ARID1B: variants seen among roughly 807,000 people sequenced by gnomAD.
ARID1B encodes AT-rich interaction domain 1B.
ARID1B carries 30 observed loss-of-function variants against 212.3 expected under a neutral mutation model. That is an observed-to-expected ratio of 0.14 (90% CI 0.11 to 0.19). The LOEUF (loss-of-function observed/expected upper bound fraction) is 0.19, where lower values mean the gene tolerates loss of function less well. Ranked by LOEUF, ARID1B falls within the 10% of genes least tolerant of loss-of-function variation. ARID1B has a pLI of 1.00. For missense variants in ARID1B, 2,891 were observed against 3,204.0 expected (o/e 0.90, Z 2.36); for synonymous variants, 1,402 against 1,301.7 (o/e 1.08, Z -1.66).
intron 2 of ARID1B, among the ~76,000 whole-genome samples, chr6:156,843,737 T>C (rs1784051849): frequency 6.6e-6 from 1 of 152,244 alleles, no homozygotes; most frequent in Admixed American, 6.5e-5. Context: ...GCTATTGTTT[T>C]GGTCGAATAA....
chr6:157,045,830 T>G (rs1782200260), intron 4 of ARID1B, among the ~76,000 whole-genome samples: 1 of 152,174 alleles, frequency 6.6e-6, no homozygotes. Context: ...CAATATTGAC[T>G]CAAACTTAAA....
intron 8 of ARID1B, among the ~76,000 whole-genome samples, chr6:157,158,631 A>T (rs1337110404): frequency 6.6e-6 from 1 of 152,176 alleles, no homozygotes; most frequent in Non-Finnish European, 1.5e-5. Context: ...GTGTGGCTCC[A>T]GACCTCTAAG....
chr6:157,133,193 A>G lies in ARID1B; in HGVS notation c.2747A>G (p.Gln916Arg), dbSNP rs766942261. The G allele has an allele frequency of 6.3e-7, 1 of 1,598,988 alleles. No individual in the cohort carries two copies. Among genetic ancestry groups the G allele is most frequent in the Non-Finnish European group, 8.5e-7 (1 of 1,175,502 alleles). ...GGGACTTACGGTCCACAGATGAGCC[A>G]GTATGGACCACAAGGTAAAACCAAA... ...SSGTYGPQMSQYGPQGNYSRP... is the reference protein window; with the variant it reads ...SSGTYGPQMSRYGPQGNYSRP... The change falls in exon 7 of 20, where the codon CAG becomes CGG. Residue 916 changes from glutamine (Q) to arginine (R), a missense_variant. By Grantham distance (43) the Gln-to-Arg change is conservative. Transcript: ENST00000636930.
intron 2 of ARID1B, among the ~76,000 whole-genome samples, chr6:156,899,975 T>TTCAACGGAAGG (rs1788788155): frequency 6.6e-6 from 1 of 152,258 alleles, no homozygotes; most frequent in African/African-American, 2.4e-5. Flanking sequence ...CGGAAGGATG[T>TTCAACGGAAGG]GTGTTGTAGT....
At chr6:156,972,059 G>A (rs1457972046) in intron 4 of ARID1B, among the ~76,000 whole-genome samples, 1 of 152,004 alleles carries the variant, frequency 6.6e-6, no homozygotes, top group Non-Finnish European at 1.5e-5. Flanking sequence ...GAAGGACATA[G>A]GTTTCTTAGT....
intron 1 of ARID1B, among the ~76,000 whole-genome samples, chr6:156,814,228 C>T (rs1413217597): frequency 6.6e-6 from 1 of 151,892 alleles, no homozygotes; most frequent in Non-Finnish European, 1.5e-5. Context: ...CCAACCTGGG[C>T]AACATGGCAA....
chr6:156,898,797 C>G (rs1346726374), intron 2 of ARID1B, among the ~76,000 whole-genome samples: 1 of 152,094 alleles, frequency 6.6e-6, no homozygotes, highest in Admixed American at 6.5e-5. Context: ...CATGGAGAAA[C>G]CCTGTCTCTA....
At chr6:157,153,081 ATAG>A (rs1332497709) in intron 8 of ARID1B, among the ~76,000 whole-genome samples, 23 of 152,250 alleles carry the variant, frequency 1.5e-4, no homozygotes, top group African/African-American at 4.8e-4. Context: ...CAAGTATAAG[ATAG>A]TAGAGAGAAA....
chr6:156,776,991 C>T (rs146893287), upstream of ARID1B: 1 of 152,410 alleles, frequency 6.6e-6, no homozygotes, highest in Non-Finnish European at 1.5e-5. Context: ...TCTCCGTCGG[C>T]TCCTTGTAAC....
At chr6:157,122,154 G>A (rs936518223) in intron 6 of ARID1B, among the ~76,000 whole-genome samples, 5 of 152,140 alleles carry the variant, frequency 3.3e-5, no homozygotes, top group African/African-American at 1.2e-4. Context: ...GGCAGTGAAG[G>A]GATTTCTTGT....
chr6:157,140,640 C>T (rs978747139), intron 7 of ARID1B: 10 of 398,464 alleles, frequency 2.5e-5, no homozygotes, highest in South Asian at 1.3e-4. Flanking sequence ...TGGAGTAACA[C>T]GTAGCTTTCC....
intron 5 of ARID1B, among the ~76,000 whole-genome samples, chr6:157,098,957 C>A (rs141958927): frequency 1.9e-4 from 29 of 152,222 alleles, no homozygotes; most frequent in African/African-American, 7.0e-4. Flanking sequence ...TTTTATGACT[C>A]CAGTTTATTT....
chr6:156,897,427 C>A (rs972633028), intron 2 of ARID1B, among the ~76,000 whole-genome samples: 1 of 151,578 alleles, frequency 6.6e-6, no homozygotes, highest in African/African-American at 2.4e-5. Flanking sequence ...GTGTGTGCCA[C>A]CACGCCTGGC....
Position 156,873,328 on chromosome 6 carries a change from A to G in ARID1B, c.1987-28048A>G, listed in dbSNP as rs111522963. ...CTGGATAGAATTTTCTGTCACAATA[A>G]TTGTGTTCAACTGAAGATTCTGACA... On this transcript the variant is annotated intron_variant, in intron 2 of 19. Transcript: ENST00000636930. 2.8e-3 allele frequency among the ~76,000 whole-genome samples: 420 copies of G among 152,332 alleles called. 2 individuals are homozygous for G. Among genetic ancestry groups the G allele is most frequent in the African/African-American group, 9.8e-3 (406 of 41,562 alleles).
At position 156,973,676 on chromosome 6, in the gene ARID1B, C is replaced by G. The variant is rs568780615; in HGVS notation, c.2247+38100C>G. 5.3e-5 allele frequency among the ~76,000 whole-genome samples: 8 copies of G among 152,312 alleles called. No homozygotes were observed. The South Asian group carries it at 1.5e-3, about 28-fold the overall frequency. ...TTTAGCCCTCCAAATCCTTCCTGCT[C>G]TCAGGAGAACTGAGACTTGATTTGT... On this transcript the variant is annotated intron_variant, in intron 4 of 19. Coordinates refer to ENST00000636930, the MANE Select transcript of ARID1B (RefSeq NM_001374828.1).
chr6:157,132,969 A>G lies in ARID1B; in HGVS notation c.2582-59A>G. ...GCCACATCAGTCCATGTCCATTTTTATGTATGCAGAGATTATGAAACACCT... is the reference window on the plus strand; with the variant it reads ...GCCACATCAGTCCATGTCCATTTTTGTGTATGCAGAGATTATGAAACACCT... On this transcript the variant is annotated intron_variant, in intron 6 of 19. Transcript: ENST00000636930. The G allele has an allele frequency of 2.0e-6, 3 of 1,519,000 alleles. No homozygotes were observed. The South Asian group carries it at 4.0e-5, about 20-fold the overall frequency. The allele number at this position is 1,519,000 out of a possible 1,614,324, so 94.1% of individuals were successfully genotyped here.
chr6:157,137,072 G>A (rs1288081963), intron 7 of ARID1B, among the ~76,000 whole-genome samples: 3 of 151,848 alleles, frequency 2.0e-5, no homozygotes, highest in Admixed American at 1.3e-4. Context: ...TCCCAGCCAC[G>A]CGGGAGGCTG....
chr6:157,025,507 G>A (rs1780602391), intron 4 of ARID1B, among the ~76,000 whole-genome samples: 1 of 152,200 alleles, frequency 6.6e-6, no homozygotes, highest in African/African-American at 2.4e-5. Context: ...CCACAGATCT[G>A]TTTTCTTTCT....
At chr6:156,889,689 G>A (rs541503579) in intron 2 of ARID1B, among the ~76,000 whole-genome samples, 23 of 152,300 alleles carry the variant, frequency 1.5e-4, no homozygotes, top group Non-Finnish European at 2.9e-4. Flanking sequence ...CTTCGGGATC[G>A]TTTGTGCTAT....
Sources: gnomAD v4.1 joint callset for allele counts (sites outside exome capture counted in the v4.1 genomes callset) on GRCh38, gnomAD v4.1.1 for gene constraint, MANE v1.5 for transcripts, NCBI Gene and HGNC (gene_info 2026-07-23, HGNC 2026-07-21) for gene names.